HS2ST1: variants seen among roughly 807,000 people sequenced by gnomAD.
HS2ST1 encodes the protein 2-O-sulfotransferase.
A neutral mutation model predicts 42.9 loss-of-function variants in HS2ST1; 18 were observed. That is an observed-to-expected ratio of 0.42 (90% CI 0.29 to 0.62). The LOEUF is 0.62. Ranked by LOEUF, HS2ST1 falls within the 20% of genes least tolerant of loss-of-function variation. The probability of loss-of-function intolerance (pLI) is 0.21; values close to 1 mark genes in which losing one functional copy is unlikely to be tolerated. For missense variants in HS2ST1, 334 were observed against 433.8 expected (o/e 0.77, Z 2.04); for synonymous variants, 146 against 152.9 (o/e 0.95, Z 0.33).
rs1652304472 is a variant in HS2ST1, at chr1:87,105,277, G to T, written c.*581G>T. On this transcript the variant is annotated 3_prime_UTR_variant, in exon 7 of 7. Coordinates refer to ENST00000370550, the MANE Select transcript of HS2ST1 (RefSeq NM_012262.4). ...AGGTGGTTTTAATTTTTTAAATGGT[G>T]ATTAGTGTTAAAAATCAATTTAAAT... The T allele has an allele frequency of 1.3e-5, 2 of 152,534 alleles. No homozygotes were observed. The highest frequency in any genetic ancestry group is 2.9e-5 in the Non-Finnish European group (2 of 67,984). The allele number at this position is 152,534 out of a possible 1,614,324, so 9.4% of individuals were successfully genotyped here. A position where few individuals can be genotyped will look rare whatever the true frequency, so the allele number is the denominator to read the frequency against.
intron 1 of HS2ST1, among the ~76,000 whole-genome samples, chr1:86,988,681 C>G (rs975442384): frequency 6.6e-6 from 1 of 152,180 alleles, no homozygotes; most frequent in Non-Finnish European, 1.5e-5. Flanking sequence ...TCACTTTAAT[C>G]GCTGTGATCA....
In HS2ST1 at chr1:87,109,188, G is replaced by A. The variant is rs1652409377; in HGVS notation, c.*4492G>A. 1 of 152,478 alleles carries A rather than the reference G, an allele frequency of 6.6e-6. No individual in the cohort carries two copies. The highest frequency in any genetic ancestry group is 1.5e-5 in the Non-Finnish European group (1 of 67,970). The allele number at this position is 152,478 out of a possible 1,614,324, so 9.4% of individuals were successfully genotyped here. A position where few individuals can be genotyped will look rare whatever the true frequency, so the allele number is the denominator to read the frequency against. Reference sequence around the variant, plus strand: ...ATAAACAGTGGGAAGGGGAAAAATTGGTGTCCTGTTTTAATATTTTCTTTT... The same window carrying A: ...ATAAACAGTGGGAAGGGGAAAAATTAGTGTCCTGTTTTAATATTTTCTTTT... On this transcript the variant is annotated 3_prime_UTR_variant, in exon 7 of 7. Transcript: ENST00000370550.
At chr1:87,074,915 A>G (rs1281064006) in intron 2 of HS2ST1, among the ~76,000 whole-genome samples, 2 of 152,020 alleles carry the variant, frequency 1.3e-5, no homozygotes, top group African/African-American at 4.8e-5. Flanking sequence ...CAGTTTTGTG[A>G]TCTCTTGTTC....
rs547079461 is a variant in HS2ST1, at chr1:87,062,555, C to T, written c.125-10379C>T. On this transcript the variant is annotated intron_variant, in intron 1 of 6. Transcript: ENST00000370550. ...CAGAATGCCGTAATAATTTTGCTTT[C>T]TCTGTCAAACTTGCTTTTGAAAACT... Among the ~76,000 whole-genome samples the T allele has an allele frequency of 3.3e-5, 5 of 152,202 alleles. No individual in the cohort carries two copies. The East Asian group carries it at 9.6e-4, about 29-fold the overall frequency.
intron 1 of HS2ST1, among the ~76,000 whole-genome samples, chr1:87,015,492 G>A (rs548993205): frequency 3.3e-5 from 5 of 151,840 alleles, no homozygotes; most frequent in African/African-American, 1.2e-4. Context: ...GACTACAGGT[G>A]CCCCACCACG....
chr1:87,046,135 A>G (rs1471507883), intron 1 of HS2ST1: 5 of 708,176 alleles, frequency 7.1e-6, no homozygotes, highest in Non-Finnish European at 1.3e-5. Flanking sequence ...AATGCTTTAG[A>G]TAACAGAGCT....
At chr1:87,066,764 C>T (rs1004650187) in intron 1 of HS2ST1, among the ~76,000 whole-genome samples, 1 of 152,020 alleles carries the variant, frequency 6.6e-6, no homozygotes, top group Non-Finnish European at 1.5e-5. Context: ...TGATGTTCCC[C>T]TACCTGTGTC....
At chr1:87,052,744 T>C (rs914998320) in intron 1 of HS2ST1, among the ~76,000 whole-genome samples, 11 of 152,174 alleles carry the variant, frequency 7.2e-5, no homozygotes, top group African/African-American at 2.4e-4. Context: ...TTTATACCAT[T>C]ACGTTGTTTT....
At chr1:86,954,472 CTTATCCAT>C (rs1647622065) in intron 1 of HS2ST1, among the ~76,000 whole-genome samples, 2 of 152,224 alleles carry the variant, frequency 1.3e-5, no homozygotes, top group Non-Finnish European at 2.9e-5. Flanking sequence ...TTGAGAATAA[CTTATCCAT>C]GCTCAATATG....
intron 1 of HS2ST1, among the ~76,000 whole-genome samples, chr1:87,016,441 GCTTT>G (rs765785648): frequency 1.8e-4 from 28 of 152,018 alleles, no homozygotes; most frequent in Non-Finnish European, 2.2e-4. Flanking sequence ...ACCCTTTCTT[GCTTT>G]CTTTCTTTTC....
chr1:87,065,052 A>G (rs1158096359), intron 1 of HS2ST1, among the ~76,000 whole-genome samples: 2 of 152,222 alleles, frequency 1.3e-5, no homozygotes, highest in Non-Finnish European at 2.9e-5. Context: ...CATTACTTCC[A>G]TGAGGATCAG....
chr1:86,957,667 TA>T lies in HS2ST1; in HGVS notation c.124+42516del, dbSNP rs371884096. On this transcript the variant is annotated intron_variant, in intron 1 of 6. Coordinates refer to ENST00000370550, the MANE Select transcript of HS2ST1 (RefSeq NM_012262.4). ...ACAAGTTACTTCATTTGAGCTCACT[TA>T]AAAAAAAATGTAATAATGTACTAAT... 3.0e-3 allele frequency among the ~76,000 whole-genome samples: 450 copies of T among 151,390 alleles called. 1 individual carries two copies. Among genetic ancestry groups the T allele is most frequent in the African/African-American group, 9.2e-3 (380 of 41,362 alleles).
intron 1 of HS2ST1, among the ~76,000 whole-genome samples, chr1:86,978,565 T>C (rs1320404956): frequency 6.6e-6 from 1 of 152,190 alleles, no homozygotes; most frequent in Admixed American, 6.5e-5. Context: ...TGTATTTGAA[T>C]AGACTAGCAT....
At chr1:87,004,779 T>C (rs1649388696) in intron 1 of HS2ST1, among the ~76,000 whole-genome samples, 1 of 152,254 alleles carries the variant, frequency 6.6e-6, no homozygotes. Flanking sequence ...TTTTGAAGAA[T>C]ATTAAGAGTG....
intron 1 of HS2ST1, among the ~76,000 whole-genome samples, chr1:86,945,369 G>C (rs561271609): frequency 1.3e-5 from 2 of 152,286 alleles, no homozygotes; most frequent in African/African-American, 4.8e-5. Context: ...TTTATTGAAT[G>C]CTTACTGCAT....
intron 1 of HS2ST1, among the ~76,000 whole-genome samples, chr1:86,979,511 G>A (rs890065054): frequency 2.0e-5 from 3 of 152,120 alleles, no homozygotes; most frequent in Non-Finnish European, 4.4e-5. Context: ...TGTCTTCAAT[G>A]TTTATTCATG....
intron 1 of HS2ST1, among the ~76,000 whole-genome samples, chr1:86,985,449 T>C (rs1255678009): frequency 0.029 from 970 of 33,166 alleles, 379 homozygotes; most frequent in South Asian, 0.073. Context: ...TATACACATA[T>C]ATACACACAT....
intron 1 of HS2ST1, among the ~76,000 whole-genome samples, chr1:86,982,420 A>T (rs1418184273): frequency 1.3e-5 from 2 of 152,182 alleles, no homozygotes; most frequent in Admixed American, 1.3e-4. Flanking sequence ...AGATTTTCCA[A>T]ACCTTTAGAC....
chr1:87,043,697 T>A (rs1650573756), intron 1 of HS2ST1, among the ~76,000 whole-genome samples: 1 of 152,084 alleles, frequency 6.6e-6, no homozygotes, highest in African/African-American at 2.4e-5. Flanking sequence ...TGGATGTATA[T>A]GTCTTATGTG....
Sources: gnomAD v4.1 joint callset for allele counts (sites outside exome capture counted in the v4.1 genomes callset) on GRCh38, gnomAD v4.1.1 for gene constraint, MANE v1.5 for transcripts, NCBI Gene and HGNC (gene_info 2026-07-23, HGNC 2026-07-21) for gene names.